ZNF423: variants seen among roughly 807,000 people sequenced by gnomAD.
ZNF423 encodes Ebf-associated zinc finger protein.
Under a neutral mutation model 95.8 loss-of-function variants are expected in ZNF423, and 12 were observed. The observed-to-expected ratio is 0.13, with a 90% CI of 0.08 to 0.20. The LOEUF is 0.20. Among genes scored for constraint, ZNF423 ranks in the 10% least tolerant of loss-of-function variants. The pLI, the probability that ZNF423 is intolerant of heterozygous loss-of-function variation, is 1.00. For synonymous variants in ZNF423, 749 were observed against 711.9 expected (o/e 1.05, Z -0.83); for missense variants, 1,316 against 1,737.1 (o/e 0.76, Z 4.31).
chr16:49,639,319 G>A (rs1972888533), intron 3 of ZNF423, among the ~76,000 whole-genome samples: 1 of 152,212 alleles, frequency 6.6e-6, no homozygotes, highest in South Asian at 2.1e-4. Context: ...ATCCTGGAGG[G>A]AAGGAAATCC....
chr16:49,819,991 T>C (rs900175129), intron 1 of ZNF423, among the ~76,000 whole-genome samples: 1 of 152,032 alleles, frequency 6.6e-6, no homozygotes, highest in Non-Finnish European at 1.5e-5. Flanking sequence ...TGTTTGTAGG[T>C]TAGGAGTATT....
intron 6 of ZNF423, among the ~76,000 whole-genome samples, chr16:49,524,055 G>C (rs1392433675): frequency 6.6e-6 from 1 of 152,170 alleles, no homozygotes; most frequent in East Asian, 1.9e-4. Flanking sequence ...TATTGATAAA[G>C]TGCTTAAAAG....
At chr16:49,606,271 C>G (rs1426367419) in intron 5 of ZNF423, among the ~76,000 whole-genome samples, 1 of 81,862 alleles carries the variant, frequency 1.2e-5, no homozygotes, top group Non-Finnish European at 2.4e-5. Context: ...CCACCGACAG[C>G]AGAAGGGGCC....
At chr16:49,776,315 G>C (rs978951665) in intron 2 of ZNF423, among the ~76,000 whole-genome samples, 2 of 152,146 alleles carry the variant, frequency 1.3e-5, no homozygotes, top group Non-Finnish European at 2.9e-5. Context: ...CCAGCCCAGC[G>C]GGTGGGGAGG....
intron 3 of ZNF423, among the ~76,000 whole-genome samples, chr16:49,676,321 C>CTGG (rs1056739386): frequency 2.3e-4 from 35 of 152,202 alleles, no homozygotes; most frequent in African/African-American, 8.4e-4. Context: ...ATTCCCAGAT[C>CTGG]TGGACATCCA....
rs563841829 is a variant in ZNF423, at chr16:49,572,336, G to A, written c.3602-46842C>T. Among the ~76,000 whole-genome samples the A allele has an allele frequency of 3.3e-5, 5 of 152,332 alleles. No homozygotes were observed. The East Asian group carries it at 7.7e-4, about 24-fold the overall frequency. ...AGAGGCATTGGAGCAGGACCACAGA[G>A]AGTGGGAAGGATTTTAACTGGGGGG... On this transcript the variant is annotated intron_variant, in intron 5 of 7. Transcript: ENST00000563137.
intron 7 of ZNF423, chr16:49,518,451 A>T: frequency 2.3e-6 from 1 of 431,202 alleles, no homozygotes; most frequent in South Asian, 1.7e-5. Flanking sequence ...GACTTAGAAA[A>T]TTTTCCAAAT....
intron 7 of ZNF423, among the ~76,000 whole-genome samples, chr16:49,521,270 G>A (rs1280109209): frequency 2.0e-5 from 3 of 152,224 alleles, no homozygotes; most frequent in Non-Finnish European, 4.4e-5. Context: ...CCAGGCAGGA[G>A]CTGAGCAAGT....
In ZNF423 at chr16:49,638,956, A is replaced by T; in HGVS notation, c.302-82T>A. ...AGGACAGAGCCAGCTTCTCGACAGC[A>T]CGCGGGCTGAGGCTGTGCAGCTGGC... On this transcript the variant is annotated intron_variant, in intron 3 of 7. Coordinates refer to ENST00000563137, the MANE Select transcript of ZNF423 (RefSeq NM_001379286.1). This position sits in a 1 kb window ranked among gnomAD's most constrained non-coding sequence, Gnocchi z 5.6. The T allele has an allele frequency of 1.3e-6, 2 of 1,489,072 alleles. No homozygotes were observed. Among genetic ancestry groups the T allele is most frequent in the Non-Finnish European group, 1.8e-6 (2 of 1,119,460 alleles). The allele number at this position is 1,489,072 out of a possible 1,614,324, so 92.2% of individuals were successfully genotyped here. A position where few individuals can be genotyped will look rare whatever the true frequency, so the allele number is the denominator to read the frequency against.
chr16:49,706,225 C>T (rs1408775377), intron 3 of ZNF423, among the ~76,000 whole-genome samples: 1 of 152,150 alleles, frequency 6.6e-6, no homozygotes, highest in African/African-American at 2.4e-5. Flanking sequence ...GAACTGACCC[C>T]TCACCACTCC....
intron 5 of ZNF423, among the ~76,000 whole-genome samples, chr16:49,546,844 A>C (rs761037231): frequency 2.0e-5 from 3 of 152,148 alleles, no homozygotes; most frequent in Non-Finnish European, 1.5e-5. Context: ...CATTCTTCAA[A>C]GGCAAAGCAA....
chr16:49,847,717 G>A (rs1002736748), intron 1 of ZNF423: 1 of 151,556 alleles, frequency 6.6e-6, no homozygotes, highest in South Asian at 2.1e-4. Flanking sequence ...CTCCTCTGGG[G>A]TAGTGGGCTG....
At chr16:49,632,102 G>T (rs541850579) in intron 4 of ZNF423, among the ~76,000 whole-genome samples, 1 of 152,180 alleles carries the variant, frequency 6.6e-6, no homozygotes, top group South Asian at 2.1e-4. Context: ...GAAAGGCACC[G>T]TGGGGATCTG....
intron 3 of ZNF423, among the ~76,000 whole-genome samples, chr16:49,705,584 G>C (rs2032322557): frequency 6.6e-6 from 1 of 152,164 alleles, no homozygotes; most frequent in African/African-American, 2.4e-5. Context: ...TTTCACTCTT[G>C]TTGCCCAGGC....
At chr16:49,746,939 C>T (rs891572610) in intron 2 of ZNF423, among the ~76,000 whole-genome samples, 6 of 152,274 alleles carry the variant, frequency 3.9e-5, no homozygotes, top group South Asian at 2.1e-4. Flanking sequence ...CCTCCGAGCT[C>T]GGCCCATGAC....
rs2035325842 is a variant in ZNF423, at chr16:49,853,632, T to C, written c.40+2103A>G. 9.1e-6 allele frequency: 9 copies of C among 985,242 alleles called. No individual in the cohort carries two copies. In the South Asian group the frequency reaches 4.2e-4, roughly 46 times the overall value. The allele number at this position is 985,242 out of a possible 1,614,324, so 61.0% of individuals were successfully genotyped here. A position where few individuals can be genotyped will look rare whatever the true frequency, so the allele number is the denominator to read the frequency against. On this transcript the variant is annotated intron_variant, in intron 1 of 7. Coordinates refer to ENST00000563137, the MANE Select transcript of ZNF423 (RefSeq NM_001379286.1). ...CTTTCTCCTACCAACCTGCTTGAAC[T>C]GTCTGCTACACATACACACATACAC...
chr16:49,540,171 T>C (rs1274935996), intron 5 of ZNF423, among the ~76,000 whole-genome samples: 3 of 152,190 alleles, frequency 2.0e-5, no homozygotes, highest in Admixed American at 6.5e-5. Flanking sequence ...ATCTAGCTCA[T>C]AGTTCACTGC....
chr16:49,659,374 G>T (rs573321073), intron 3 of ZNF423, among the ~76,000 whole-genome samples: 1 of 152,360 alleles, frequency 6.6e-6, no homozygotes, highest in East Asian at 1.9e-4. Context: ...TTGCAGGCGT[G>T]AGCCACTGTG....
chr16:49,538,614 G>A (rs1199957839), intron 5 of ZNF423, among the ~76,000 whole-genome samples: 1 of 152,116 alleles, frequency 6.6e-6, no homozygotes. Flanking sequence ...GGTGGCCCTG[G>A]CCCTGCCTAC....
Sources: allele counts gnomAD v4.1 joint callset (sites outside exome capture counted in the v4.1 genomes callset), GRCh38; gene constraint gnomAD v4.1.1; non-coding constraint Gnocchi (gnomAD v3.1); transcripts MANE v1.5; gene names NCBI Gene and HGNC (gene_info 2026-07-23, HGNC 2026-07-21).